PIEZO2: variants seen among roughly 807,000 people sequenced by gnomAD.
PIEZO2 encodes piezo type mechanosensitive ion channel component 2.
In PIEZO2, 172 loss-of-function variants were observed where a neutral mutation model predicts 337.3. That is an observed-to-expected ratio of 0.51 (90% CI 0.45 to 0.58). The LOEUF is 0.58. PIEZO2 is among the 20% of genes least tolerant of loss of function. The probability of loss-of-function intolerance (pLI) is 0.00; values close to 1 mark genes in which losing one functional copy is unlikely to be tolerated. For synonymous variants in PIEZO2, 1,251 were observed against 1,228.5 expected (o/e 1.02, Z -0.38); for missense variants, 3,028 against 3,391.3 (o/e 0.89, Z 2.66).
Position 10,688,851 on chromosome 18 carries a change from C to G in PIEZO2, c.7497+804G>C, listed in dbSNP as rs552934730. Among the ~76,000 whole-genome samples the G allele has an allele frequency of 7.9e-5, 12 of 152,224 alleles. No individual in the cohort carries two copies. The East Asian group carries it at 2.3e-3, about 29-fold the overall frequency. ...TAGAGAGGCTCTCATATTCTGGCAT[C>G]CTGTCAACTCCTCTGCTCCTTAGAA... On this transcript the variant is annotated intron_variant, in intron 49 of 55. Coordinates refer to ENST00000674853, the MANE Select transcript of PIEZO2 (RefSeq NM_001378183.1).
chr18:10,710,138 C>G (rs575522727), intron 39 of PIEZO2, among the ~76,000 whole-genome samples: 2 of 152,244 alleles, frequency 1.3e-5, no homozygotes, highest in African/African-American at 4.8e-5. Flanking sequence ...CAGTCTCCTG[C>G]AGCTTTGCTC....
chr18:10,689,655 C>A lies in PIEZO2; in HGVS notation c.7497G>T (p.Lys2499Asn). 1 of 1,614,174 alleles carries A rather than the reference C, an allele frequency of 6.2e-7. No homozygotes were observed. The highest frequency in any genetic ancestry group is 8.5e-7 in the Non-Finnish European group (1 of 1,180,002). ...TAAGGCACATCTCCTGGCTTCTTACCTTCTCCGACTCCCGCCAACACTTCA... is the reference window on the plus strand; with the variant it reads ...TAAGGCACATCTCCTGGCTTCTTACATTCTCCGACTCCCGCCAACACTTCA... ...FILKCWRESE[K>N]RYPQPRGQKK... is the part of the protein sequence containing the mutation. Residue 2499 changes from lysine (K) to asparagine (N), a missense_variant and splice_region_variant, in exon 49 of 56, where the codon AAG becomes AAT. Physicochemically the swap from Lys to Asn is moderately conservative, Grantham distance 94. Transcript: ENST00000674853.
At chr18:10,914,714 A>G (rs1009677590) in intron 3 of PIEZO2, among the ~76,000 whole-genome samples, 8 of 152,186 alleles carry the variant, frequency 5.3e-5, no homozygotes, top group African/African-American at 1.7e-4. Context: ...TAGATGAAGC[A>G]GTTAGAAATA....
intron 2 of PIEZO2, 122 bp downstream of exon 2, chr18:11,066,005 G>A (rs1184785246): frequency 4.2e-6 from 3 of 722,332 alleles, no homozygotes; most frequent in Non-Finnish European, 6.7e-6. Context: ...CCCACTCCAT[G>A]CCATATTAGC....
chr18:10,852,253 T>C (rs2041575454), intron 7 of PIEZO2, among the ~76,000 whole-genome samples: 3 of 152,232 alleles, frequency 2.0e-5, no homozygotes, highest in Admixed American at 2.0e-4. Context: ...AAAATTCTTT[T>C]CTTATTAGAC....
At chr18:10,685,023 G>C (rs770041132) in intron 49 of PIEZO2, among the ~76,000 whole-genome samples, 2 of 152,096 alleles carry the variant, frequency 1.3e-5, no homozygotes, top group Non-Finnish European at 2.9e-5. Flanking sequence ...TCAGCTTCCT[G>C]AAATGTTCTG....
intron 3 of PIEZO2, among the ~76,000 whole-genome samples, chr18:10,921,252 A>T (rs2145135670): frequency 6.6e-6 from 1 of 152,194 alleles, no homozygotes; most frequent in Non-Finnish European, 1.5e-5. Flanking sequence ...AACTAAATGG[A>T]AGGTAGAGAA....
intron 7 of PIEZO2, among the ~76,000 whole-genome samples, chr18:10,831,681 G>C (rs2040846335): frequency 6.6e-6 from 1 of 152,140 alleles, no homozygotes; most frequent in African/African-American, 2.4e-5. Flanking sequence ...AATGATAAAT[G>C]CTTGAGGTGA....
rs80288131 is a variant in PIEZO2 at position 11,069,300 on chromosome 18, C to T, written c.65-3078G>A. 0.022 allele frequency among the ~76,000 whole-genome samples: 3,321 copies of T among 152,202 alleles called. 74 individuals are homozygous for T. Among genetic ancestry groups the T allele is most frequent in the African/African-American group, 0.055 (2,300 of 41,502 alleles). ...CTCAACAAAATGCAAGCAAACCCCA[C>T]TCGGCAATGCATTAAAAGCCTCCTT... On this transcript the variant is annotated intron_variant, in intron 1 of 55. Coordinates refer to ENST00000674853, the MANE Select transcript of PIEZO2 (RefSeq NM_001378183.1). This position sits in a 1 kb window ranked among gnomAD's most constrained non-coding sequence, Gnocchi z 4.9.
intron 7 of PIEZO2, among the ~76,000 whole-genome samples, chr18:10,849,621 A>C (rs1213761246): frequency 1.4e-4 from 22 of 152,168 alleles, no homozygotes; most frequent in Admixed American, 1.4e-3. Flanking sequence ...CAGCCCTACA[A>C]GTAGGAAACG....
rs187223985 is a variant in PIEZO2 at position 10,746,625 on chromosome 18, C to A, written c.4424+1846G>T. On this transcript the variant is annotated intron_variant, in intron 30 of 55. Transcript: ENST00000674853. This position sits in a 1 kb window ranked among gnomAD's most constrained non-coding sequence, Gnocchi z 4.2. Reference sequence around the variant, plus strand: ...GTGGAAATCCTGACTCCCAAGGTGACGGACAGGAGGTAAGGCCTTTTGGAG... The same window carrying A: ...GTGGAAATCCTGACTCCCAAGGTGAAGGACAGGAGGTAAGGCCTTTTGGAG... 2.6e-5 allele frequency among the ~76,000 whole-genome samples: 4 copies of A among 152,266 alleles called. No individual in the cohort carries two copies. In the East Asian group the frequency reaches 5.8e-4, roughly 22 times the overall value.
chr18:10,998,105 T>C (rs906733745), intron 2 of PIEZO2, among the ~76,000 whole-genome samples: 1 of 152,168 alleles, frequency 6.6e-6, no homozygotes, highest in African/African-American at 2.4e-5. Flanking sequence ...AGTGGAACAA[T>C]ATCTTTAAAT....
rs1312168648 is a variant in PIEZO2, at chr18:11,028,309, G to A, written c.160+37818C>T. 6.6e-6 allele frequency among the ~76,000 whole-genome samples: 1 copy of A among 151,476 alleles called. No individual in the cohort carries two copies. ...ACAGAGTCACTTTGTTGCCCATGCT[G>A]GAGTGCAATGGCGTGATCTCGGCTC... On this transcript the variant is annotated intron_variant, in intron 2 of 55. Transcript: ENST00000674853. This position sits in a 1 kb window ranked among gnomAD's most constrained non-coding sequence, Gnocchi z 4.8.
intron 2 of PIEZO2, among the ~76,000 whole-genome samples, chr18:11,026,776 C>T (rs1043882805): frequency 7.2e-5 from 11 of 152,156 alleles, no homozygotes; most frequent in Admixed American, 7.2e-4. Flanking sequence ...TTTTATCATG[C>T]ATTATCGGTT....
chr18:10,791,391 T>A (rs762761744), intron 13 of PIEZO2, 67 bp from the exon 14 acceptor site: 53 of 1,401,526 alleles, frequency 3.8e-5, no homozygotes, highest in Non-Finnish European at 4.8e-5. Flanking sequence ...ATTCAACAAA[T>A]GTAACATTTT....
At position 11,009,384 on chromosome 18, in the gene PIEZO2, G is replaced by C. The variant is rs1424723646; in HGVS notation, c.161-29724C>G. On this transcript the variant is annotated intron_variant, in intron 2 of 55. Transcript: ENST00000674853. This position sits in a 1 kb window ranked among gnomAD's most constrained non-coding sequence, Gnocchi z 4.6. ...TTCTGGGGTGGGGGCGAGATCATGG[G>C]TACACTGTAAAAGCTCCCTCGGTAA... is the stretch of plus-strand genomic sequence containing the variant. 6.6e-6 allele frequency among the ~76,000 whole-genome samples: 1 copy of C among 152,154 alleles called. No individual in the cohort carries two copies.
At chr18:10,959,381 T>C (rs897623010) in intron 3 of PIEZO2, among the ~76,000 whole-genome samples, 2 of 152,202 alleles carry the variant, frequency 1.3e-5, no homozygotes, top group African/African-American at 4.8e-5. Context: ...TAAATAATAA[T>C]TTAAGTTTGG....
chr18:10,781,950 C>CTT lies in PIEZO2; in HGVS notation c.2493-1586_2493-1585dup, dbSNP rs1230976240. On this transcript the variant is annotated intron_variant, in intron 17 of 55. Transcript: ENST00000674853. This position sits in a 1 kb window ranked among gnomAD's most constrained non-coding sequence, Gnocchi z 4.1. ...GTCAATCCTAACTCTCAAAATATTC[C>CTT]TTTTTCTTCATCATTTTGATTTTAA... 6.6e-6 allele frequency among the ~76,000 whole-genome samples: 1 copy of CTT among 151,812 alleles called. No homozygotes were observed. The highest frequency in any genetic ancestry group is 2.4e-5 in the African/African-American group (1 of 41,322).
At chr18:10,970,168 G>A (rs778409018) in intron 3 of PIEZO2, among the ~76,000 whole-genome samples, 3 of 152,164 alleles carry the variant, frequency 2.0e-5, no homozygotes, top group Non-Finnish European at 4.4e-5. Flanking sequence ...GTATTAACTC[G>A]GGTTATCTGG....
Sources: allele counts gnomAD v4.1 joint callset (sites outside exome capture counted in the v4.1 genomes callset), GRCh38; gene constraint gnomAD v4.1.1; non-coding constraint Gnocchi (gnomAD v3.1); transcripts MANE v1.5; gene names NCBI Gene and HGNC (gene_info 2026-07-23, HGNC 2026-07-21).